Variants in CORO2B observed in about 807,000 individuals in gnomAD.
CORO2B encodes the protein coronin 2B.
Under a neutral mutation model 58.8 loss-of-function variants are expected in CORO2B, and 26 were observed. The observed-to-expected ratio is 0.44, with a 90% CI of 0.32 to 0.61. The LOEUF (loss-of-function observed/expected upper bound fraction) is 0.61, where lower values mean the gene tolerates loss of function less well. Ranked by LOEUF, CORO2B falls within the 20% of genes least tolerant of loss-of-function variation. The pLI is 0.04. For missense variants in CORO2B, 460 were observed against 645.1 expected, an observed-to-expected ratio of 0.71 and a Z score of 3.11; for synonymous variants, 242 against 253.8, an observed-to-expected ratio of 0.95 and a Z score of 0.44.
chr15:68,628,626 T>C (rs1900746519), intron 1 of CORO2B, among the ~76,000 whole-genome samples: 1 of 152,206 alleles, frequency 6.6e-6, no homozygotes, highest in East Asian at 1.9e-4. Context: ...TTACTGTACA[T>C]GTATTTTCTT....
intron 2 of CORO2B, among the ~76,000 whole-genome samples, chr15:68,690,264 G>A (rs1892325465): frequency 6.6e-6 from 1 of 152,134 alleles, no homozygotes; most frequent in Non-Finnish European, 1.5e-5. Context: ...AGACCCAGTT[G>A]TTAAGCATCT....
chr15:68,588,371 T>A (rs1309173640), intron 1 of CORO2B, among the ~76,000 whole-genome samples: 1 of 152,250 alleles, frequency 6.6e-6, no homozygotes, highest in Non-Finnish European at 1.5e-5. Context: ...TCTGTCTATT[T>A]TGGCTGTTTT....
intron 11 of CORO2B, among the ~76,000 whole-genome samples, chr15:68,724,031 G>A (rs1017338798): frequency 5.3e-5 from 8 of 151,820 alleles, no homozygotes; most frequent in Non-Finnish European, 7.4e-5. Context: ...GTGAAACCCC[G>A]TCTCTACTAA....
the CORO2B span, among the ~76,000 whole-genome samples, chr15:68,550,990 G>A: frequency 4.6e-5 from 7 of 152,152 alleles, no homozygotes; most frequent in African/African-American, 1.7e-4. Context: ...ATGGGCGTGG[G>A]ATCCTCAGAG....
At chr15:68,606,018 C>T (rs1391886967) in intron 1 of CORO2B, among the ~76,000 whole-genome samples, 1 of 151,698 alleles carries the variant, frequency 6.6e-6, no homozygotes, top group African/African-American at 2.4e-5. Flanking sequence ...GCCACAGCGC[C>T]CGGCCGGCTC....
At chr15:68,524,660 C>A in the CORO2B span, among the ~76,000 whole-genome samples, 1 of 152,164 alleles carries the variant, frequency 6.6e-6, no homozygotes, top group Admixed American at 6.5e-5. Context: ...TAAATAAATT[C>A]TTCTAAGGCC....
intron 2 of CORO2B, among the ~76,000 whole-genome samples, chr15:68,673,760 G>A (rs992812134): frequency 7.3e-5 from 11 of 149,668 alleles, no homozygotes; most frequent in South Asian, 6.3e-4. Flanking sequence ...TCACCTGAAC[G>A]GGGGAGACAG....
intron 1 of CORO2B, among the ~76,000 whole-genome samples, chr15:68,613,621 A>G (rs897155722): frequency 6.6e-6 from 1 of 152,214 alleles, no homozygotes; most frequent in Non-Finnish European, 1.5e-5. Flanking sequence ...TTAATATACA[A>G]CCAGAAGCTG....
chr15:68,581,983 G>T (rs759694487), intron 1 of CORO2B, among the ~76,000 whole-genome samples: 5 of 152,146 alleles, frequency 3.3e-5, no homozygotes, highest in Admixed American at 6.5e-5. Flanking sequence ...TGGACTGCAG[G>T]AGCTCTGAGC....
intron 1 of CORO2B, among the ~76,000 whole-genome samples, chr15:68,611,388 C>T (rs1280093405): frequency 6.6e-6 from 1 of 152,126 alleles, no homozygotes; most frequent in Non-Finnish European, 1.5e-5. Context: ...TTTCCTTTCA[C>T]TTGTTTGTTT....
chr15:68,567,429 T>A, the CORO2B span, among the ~76,000 whole-genome samples: 1 of 152,294 alleles, frequency 6.6e-6, no homozygotes, highest in East Asian at 1.9e-4. Flanking sequence ...CACCAGGAGA[T>A]ACATGGAGAT....
chr15:68,710,594 C>T lies in CORO2B; in HGVS notation c.334-138C>T. 9.8e-7 allele frequency: 1 copy of T among 1,023,608 alleles called. No individual in the cohort carries two copies. Among genetic ancestry groups the T allele is most frequent in the Non-Finnish European group, 1.4e-6 (1 of 738,866 alleles). 63.4% of individuals were successfully genotyped at this position (1,023,608 alleles called of 1,614,324 possible). On this transcript the variant is annotated intron_variant, in intron 3 of 11. Transcript: ENST00000261861. The surrounding 1 kb of genome is among the most constrained non-coding windows in gnomAD (Gnocchi z 4.1). ...GACCTCCCAGCAGGCCTCAGTCGAG[C>T]TTTGCCCATCGCCTCAAGCCAGGAG...
chr15:68,694,833 C>T (rs538648347), intron 2 of CORO2B, among the ~76,000 whole-genome samples: 1 of 152,252 alleles, frequency 6.6e-6, no homozygotes, highest in Non-Finnish European at 1.5e-5. Flanking sequence ...TAACTTTAAA[C>T]ACTTTTACTT....
At chr15:68,625,856 T>C (rs1037017553) in intron 1 of CORO2B, among the ~76,000 whole-genome samples, 3 of 152,038 alleles carry the variant, frequency 2.0e-5, no homozygotes, top group African/African-American at 7.2e-5. Flanking sequence ...CTGCCCCCCT[T>C]GGCCTCCCAA....
the CORO2B span, among the ~76,000 whole-genome samples, chr15:68,530,541 T>C: frequency 1.4e-4 from 22 of 152,164 alleles, no homozygotes; most frequent in Admixed American, 4.6e-4. Flanking sequence ...CTACTTGTAC[T>C]ATCAGTAATT....
At chr15:68,677,474 G>C (rs1022550361) in intron 2 of CORO2B, among the ~76,000 whole-genome samples, 1 of 152,216 alleles carries the variant, frequency 6.6e-6, no homozygotes, top group South Asian at 2.1e-4. Context: ...CTCTGCCACA[G>C]AGAAAGCATT....
At chr15:68,527,767 T>C in the CORO2B span, among the ~76,000 whole-genome samples, 4 of 152,192 alleles carry the variant, frequency 2.6e-5, no homozygotes, top group South Asian at 6.2e-4. Context: ...TCCATGAACA[T>C]ATTATAGCTC....
chr15:68,657,807 C>G lies in CORO2B; in HGVS notation c.216+12447C>G, dbSNP rs1420769729. On this transcript the variant is annotated intron_variant, in intron 2 of 11. Transcript: ENST00000261861. ...AGAAATGTGAGGTTTCAGTTAGAGG[C>G]TAGTGAAAATATAGATGTAAGTTGT... Among the ~76,000 whole-genome samples, 5 of 152,162 alleles carry G rather than the reference C, an allele frequency of 3.3e-5. No homozygotes were observed. The East Asian group carries it at 9.6e-4, about 29-fold the overall frequency.
At chr15:68,703,605 A>G (rs771629544) in intron 3 of CORO2B, among the ~76,000 whole-genome samples, 16 of 152,118 alleles carry the variant, frequency 1.1e-4, no homozygotes, top group South Asian at 1.0e-3. Flanking sequence ...GAACTTCTAT[A>G]CCATATATAC....
Sources: gnomAD v4.1 joint callset for allele counts (sites outside exome capture counted in the v4.1 genomes callset) on GRCh38, gnomAD v4.1.1 for gene constraint, Gnocchi (gnomAD v3.1) non-coding constraint, MANE v1.5 for transcripts, NCBI Gene and HGNC (gene_info 2026-07-23, HGNC 2026-07-21) for gene names.